The following CCDC39 variants were observed in gnomAD, a reference collection of about 807,000 sequenced individuals.
CCDC39 encodes coiled-coil domain-containing protein 39.
CCDC39 carries 113 observed loss-of-function variants against 121.0 expected under a neutral mutation model. That is an observed-to-expected ratio of 0.93 (90% confidence interval 0.80 to 1.09). The LOEUF (loss-of-function observed/expected upper bound fraction) is 1.09, where lower values mean the gene tolerates loss of function less well. Among genes scored for constraint, CCDC39 ranks in the 50% least tolerant of loss-of-function variants. The pLI is 0.00. For missense variants in CCDC39, 1,063 were observed against 1,074.7 expected (o/e 0.99, Z 0.15); for synonymous variants, 349 against 352.2 (o/e 0.99, Z 0.10).
At position 180,662,000 on chromosome 3, in the gene CCDC39, CAA is replaced by C. The variant is rs1489439743; in HGVS notation, c.216_217del (p.Cys73GlnfsTer6). ...TTCAGTCTCACGCTCCCTTGCTTTG[CAA>C]AGAGACTACAGAATAACACACAAGA... On this transcript the variant is annotated frameshift_variant, in exon 3 of 20. Coordinates refer to ENST00000476379, the MANE Select transcript of CCDC39 (RefSeq NM_181426.2). LOFTEE classifies it high-confidence loss of function. 9 of 1,550,522 alleles carry C rather than the reference CAA, an allele frequency of 5.8e-6. No homozygotes were observed. Among genetic ancestry groups the C allele is most frequent in the Admixed American group, 2.0e-5 (1 of 50,820 alleles).
chr3:180,617,471 T>C (rs1717290737), intron 16 of CCDC39: 5 of 687,922 alleles, frequency 7.3e-6, no homozygotes, highest in South Asian at 6.3e-5. Flanking sequence ...TTATCATAGA[T>C]GACAGCTCCA....
intron 14 of CCDC39, 102 bp from the exon 15 acceptor site, chr3:180,620,072 A>G: frequency 1.1e-6 from 1 of 887,808 alleles, no homozygotes; most frequent in Non-Finnish European, 1.6e-6. Flanking sequence ...TTGTGACAAT[A>G]ACAGTTTATC....
At chr3:180,642,739 T>G (rs1395475002) in intron 12 of CCDC39, among the ~76,000 whole-genome samples, 1 of 151,986 alleles carries the variant, frequency 6.6e-6, no homozygotes, top group Non-Finnish European at 1.5e-5. Flanking sequence ...AAAAATATAT[T>G]CTAGATGAAT....
At chr3:180,632,381 A>G (rs140783258) in intron 13 of CCDC39, among the ~76,000 whole-genome samples, 70 of 152,314 alleles carry the variant, frequency 4.6e-4, no homozygotes, top group East Asian at 2.9e-3. Context: ...ACTGCCTGCT[A>G]CAAACTCATG....
In CCDC39 at chr3:180,659,780, A is replaced by T; in HGVS notation, c.517-11T>A. 1 of 1,539,716 alleles carries T rather than the reference A, an allele frequency of 6.5e-7. No homozygotes were observed. The highest frequency in any genetic ancestry group is 8.9e-7 in the Non-Finnish European group (1 of 1,120,574). On this transcript the variant is annotated splice_polypyrimidine_tract_variant and intron_variant, in intron 4 of 19. Coordinates refer to ENST00000476379, the MANE Select transcript of CCDC39 (RefSeq NM_181426.2). ...TTGCAGAGTCAGTGCCTATGATGTA[A>T]TTATATACAGATACTTATAATTCTC...
intron 1 of CCDC39, among the ~76,000 whole-genome samples, chr3:180,664,339 G>A (rs1370149924): frequency 1.3e-5 from 2 of 152,078 alleles, no homozygotes; most frequent in African/African-American, 2.4e-5. Flanking sequence ...CACCATTCAT[G>A]AGGGCTCTAC....
chr3:180,617,203 G>T (rs1717278853), intron 16 of CCDC39, among the ~76,000 whole-genome samples: 1 of 152,038 alleles, frequency 6.6e-6, no homozygotes, highest in Admixed American at 6.6e-5. Context: ...ATTGTAATGT[G>T]GCACAATACA....
rs957354905 is a variant in CCDC39 at position 180,652,169 on chromosome 3, G to T, written c.1028C>A (p.Thr343Lys). The T allele has an allele frequency of 1.3e-6, 2 of 1,491,538 alleles. No individual in the cohort carries two copies. Among genetic ancestry groups the T allele is most frequent in the African/African-American group, 2.8e-5 (2 of 70,570 alleles). 92.4% of individuals were successfully genotyped at this position (1,491,538 alleles called of 1,614,324 possible). A position where few individuals can be genotyped will look rare whatever the true frequency, so the allele number is the denominator to read the frequency against. ...SKIKKDIHEE[T>K]ARLQKTKNHN... ...TAGATAGTTTTTTTCTTACCTTGCT[G>T]TTTCTTCATGAATGTCCTTCTTTAT... The change falls in exon 8 of 20, where the codon ACA (threonine) becomes AAA (lysine). Residue 343 changes from threonine to lysine, a missense_variant. By Grantham distance (78) the Thr-to-Lys change is moderately conservative (BLOSUM62 -1). Coordinates refer to ENST00000476379, the MANE Select transcript of CCDC39 (RefSeq NM_181426.2).
chr3:180,652,198 G>A lies in CCDC39; in HGVS notation c.999C>T (p.Ser333=), dbSNP rs1226261926. ...CTTCATGAATGTCCTTCTTTATCTT[G>A]GAAATATTTTTCCTCAGAGCTTCTA... The part of the protein sequence containing the change: ...SDLEALRKNI[S]KIKKDIHEET... The change falls in exon 8 of 20, where the codon TCC becomes TCT. Residue 333 remains serine, a synonymous_variant. Transcript: ENST00000476379. 1.3e-6 allele frequency: 2 copies of A among 1,531,302 alleles called. No homozygotes were observed. Among genetic ancestry groups the A allele is most frequent in the East Asian group, 2.5e-5 (1 of 40,012 alleles). The allele number at this position is 1,531,302 out of a possible 1,614,324, so 94.9% of individuals were successfully genotyped here. A position where few individuals can be genotyped will look rare whatever the true frequency, so the allele number is the denominator to read the frequency against.
chr3:180,629,735 G>C (rs1252488581), intron 14 of CCDC39, among the ~76,000 whole-genome samples: 3 of 152,200 alleles, frequency 2.0e-5, no homozygotes, highest in Non-Finnish European at 2.9e-5. Context: ...TGCGTGGCAA[G>C]CTGTGGATCC....
At chr3:180,629,054 C>T (rs1278277171) in intron 14 of CCDC39, among the ~76,000 whole-genome samples, 1 of 152,140 alleles carries the variant, frequency 6.6e-6, no homozygotes, top group African/African-American at 2.4e-5. Flanking sequence ...CAAGGTTTGT[C>T]CCAGCAGTGA....
At chr3:180,636,916 T>C (rs1717843495) in intron 13 of CCDC39, among the ~76,000 whole-genome samples, 1 of 152,120 alleles carries the variant, frequency 6.6e-6, no homozygotes, top group Non-Finnish European at 1.5e-5. Context: ...TTATACCACA[T>C]ATAAAAATCA....
chr3:180,616,819 T>C lies in CCDC39; in HGVS notation c.2406+7A>G, dbSNP rs1338617976. The C allele has an allele frequency of 1.2e-6, 2 of 1,608,476 alleles. No individual in the cohort carries two copies. The highest frequency in any genetic ancestry group is 1.3e-5 in the African/African-American group (1 of 74,738). On this transcript the variant is annotated splice_region_variant and intron_variant, in intron 17 of 19. Transcript: ENST00000476379. ...ATGAAAGGTCAGTTTTTAAAAGATA[T>C]CGATACCTGTTTGGTCACTCTTTCT...
intron 11 of CCDC39, among the ~76,000 whole-genome samples, chr3:180,645,167 G>T (rs1718041771): frequency 6.6e-6 from 1 of 152,106 alleles, no homozygotes; most frequent in Non-Finnish European, 1.5e-5. Flanking sequence ...GAAGATTAAA[G>T]ATGTTATTGT....
At position 180,644,207 on chromosome 3, in the gene CCDC39, T is replaced by G. The variant is rs1192316779; in HGVS notation, c.1578A>C (p.Lys526Asn). ...CATTTATTTTGGTCATAAGGGACTGTTTTTCATCACTGTTTTTACTATGTG... is the reference window on the plus strand; with the variant it reads ...CATTTATTTTGGTCATAAGGGACTGGTTTTCATCACTGTTTTTACTATGTG... Reference protein sequence around the residue: ...KKAHSKNSDEKQSLMTKINEL... With the variant: ...KKAHSKNSDENQSLMTKINEL... The change falls in exon 12 of 20, where the codon AAA becomes AAC. Residue 526 changes from lysine to asparagine, a missense_variant. Coordinates refer to ENST00000476379, the MANE Select transcript of CCDC39 (RefSeq NM_181426.2). The G allele has an allele frequency of 7.8e-6, 12 of 1,542,040 alleles. No individual in the cohort carries two copies. The highest frequency in any genetic ancestry group is 1.1e-5 in the Non-Finnish European group (12 of 1,142,162).
At chr3:180,658,513 C>T (rs112358785) in intron 6 of CCDC39, among the ~76,000 whole-genome samples, 3 of 151,604 alleles carry the variant, frequency 2.0e-5, no homozygotes, top group South Asian at 2.1e-4. Flanking sequence ...AGGAGAATGG[C>T]GTGAACCCGG....
chr3:180,631,471 T>G lies in CCDC39; in HGVS notation c.1996A>C (p.Lys666Gln). 6.2e-7 allele frequency: 1 copy of G among 1,601,048 alleles called. No individual in the cohort carries two copies. Among genetic ancestry groups the G allele is most frequent in the Non-Finnish European group, 8.5e-7 (1 of 1,177,936 alleles). Residue 666 changes from lysine (K) to glutamine (Q), a missense_variant and splice_region_variant, in exon 14 of 20, where the codon AAG becomes CAG. Physicochemically the swap from Lys to Gln is moderately conservative, Grantham distance 53. Transcript: ENST00000476379. ...AACTGTGAATCAATTAAAATTACCT[T>G]TATTACATAATAGGCCTGTGTTTTC... ...EEKTQAYYVI[K>Q]AAQEKEELQR... is the part of the protein sequence containing the mutation.
chr3:180,643,426 T>C (rs901632755), intron 12 of CCDC39, among the ~76,000 whole-genome samples: 7 of 152,146 alleles, frequency 4.6e-5, no homozygotes, highest in Admixed American at 2.0e-4. Flanking sequence ...TAAACATAAA[T>C]GTTTGAAAAT....
At chr3:180,666,686 C>T (rs1037270063) in intron 1 of CCDC39, among the ~76,000 whole-genome samples, 2 of 152,096 alleles carry the variant, frequency 1.3e-5, no homozygotes, top group African/African-American at 4.8e-5. Flanking sequence ...TTGAAAAGCC[C>T]TTCCCCAAAG....
Sources: gnomAD v4.1 joint callset for allele counts (sites outside exome capture counted in the v4.1 genomes callset) on GRCh38, gnomAD v4.1.1 for gene constraint, MANE v1.5 for transcripts, NCBI Gene and HGNC (gene_info 2026-07-23, HGNC 2026-07-21) for gene names.